Variants in FAP observed in about 807,000 individuals in gnomAD.
FAP encodes prolyl endopeptidase FAP.
A neutral mutation model predicts 126.5 loss-of-function variants in FAP; 110 were observed. The observed-to-expected ratio is 0.87, with a 90% CI of 0.74 to 1.02. The LOEUF is 1.02. FAP is among the 50% of genes least tolerant of loss of function. The pLI is 0.00. For missense variants in FAP, 919 were observed against 909.2 expected (o/e 1.01, Z -0.14); for synonymous variants, 334 against 297.3 (o/e 1.12, Z -1.27).
intron 21 of FAP, chr2:162,175,221 C>T (rs752092126): frequency 5.9e-5 from 14 of 237,108 alleles, no homozygotes; most frequent in Non-Finnish European, 4.1e-5. Flanking sequence ...ATGGTAGGAG[C>T]AGTTTAAGAG....
chr2:162,177,804 A>G (rs1687535128), intron 21 of FAP, among the ~76,000 whole-genome samples: 1 of 152,144 alleles, frequency 6.6e-6, no homozygotes, highest in African/African-American at 2.4e-5. Context: ...CCAGCACTGA[A>G]AATATGGCCT....
At chr2:162,210,773 G>C (rs955851213) in intron 11 of FAP, among the ~76,000 whole-genome samples, 6 of 152,228 alleles carry the variant, frequency 3.9e-5, no homozygotes, top group Non-Finnish European at 7.4e-5. Flanking sequence ...AGGAGGCAGA[G>C]AGACCAACTG....
chr2:162,195,266 G>A (rs1047088336), intron 16 of FAP, among the ~76,000 whole-genome samples: 1 of 152,048 alleles, frequency 6.6e-6, no homozygotes, highest in Non-Finnish European at 1.5e-5. Flanking sequence ...TGCTGTGGCA[G>A]GTCCCTGGGA....
chr2:162,182,834 C>T (rs1264774836), intron 21 of FAP, among the ~76,000 whole-genome samples: 3 of 152,162 alleles, frequency 2.0e-5, no homozygotes, highest in Admixed American at 6.5e-5. Flanking sequence ...TGTGTATTTT[C>T]AAAATAGCTC....
intron 2 of FAP, among the ~76,000 whole-genome samples, chr2:162,234,065 T>C (rs1259354584): frequency 6.6e-6 from 1 of 152,226 alleles, no homozygotes; most frequent in East Asian, 1.9e-4. Flanking sequence ...TTGATCTATA[T>C]ATCTATCCTT....
intron 12 of FAP, among the ~76,000 whole-genome samples, chr2:162,204,457 G>T (rs561688978): frequency 1.3e-5 from 2 of 152,338 alleles, no homozygotes; most frequent in African/African-American, 4.8e-5. Flanking sequence ...GTGTATTAAA[G>T]AGGGCCCTAA....
chr2:162,234,290 A>G (rs1027891235), intron 2 of FAP, among the ~76,000 whole-genome samples: 8 of 152,212 alleles, frequency 5.3e-5, no homozygotes, highest in African/African-American at 1.9e-4. Context: ...ATCTGTTGAT[A>G]AATTTAGGCA....
At chr2:162,185,610 T>TC (rs1419158190) in intron 20 of FAP, among the ~76,000 whole-genome samples, 1 of 152,168 alleles carries the variant, frequency 6.6e-6, no homozygotes, top group African/African-American at 2.4e-5. Context: ...CTTCTTTTTT[T>TC]CCCCTACTTT....
intron 2 of FAP, among the ~76,000 whole-genome samples, chr2:162,240,992 G>A (rs1690324880): frequency 6.6e-6 from 1 of 152,188 alleles, no homozygotes; most frequent in South Asian, 2.1e-4. Flanking sequence ...CTGTGGCACT[G>A]ACTTCCCCGG....
intron 11 of FAP, 120 bp from the exon 12 acceptor site, chr2:162,210,116 A>G: frequency 1.3e-6 from 1 of 768,878 alleles, no homozygotes; most frequent in Non-Finnish European, 2.1e-6. Flanking sequence ...CTAGTCAACT[A>G]ACTTCAAATT....
At chr2:162,196,737 T>C (rs1182392492) in intron 16 of FAP, among the ~76,000 whole-genome samples, 2 of 152,186 alleles carry the variant, frequency 1.3e-5, no homozygotes, top group Admixed American at 1.3e-4. Context: ...AGTTACATAA[T>C]GAGGCTTTAC....
At chr2:162,214,446 T>TGA (rs1467651169) in intron 10 of FAP, among the ~76,000 whole-genome samples, 2 of 151,930 alleles carry the variant, frequency 1.3e-5, no homozygotes, top group Admixed American at 1.3e-4. Context: ...TATAATTAGT[T>TGA]GAGAGAGAGA....
intron 20 of FAP, among the ~76,000 whole-genome samples, chr2:162,184,648 T>C (rs1296613083): frequency 1.3e-5 from 2 of 152,150 alleles, no homozygotes; most frequent in African/African-American, 4.8e-5. Flanking sequence ...AAATGGAAAG[T>C]TGCTACCTGT....
chr2:162,199,196 A>G (rs1275850790), intron 15 of FAP, among the ~76,000 whole-genome samples: 1 of 152,112 alleles, frequency 6.6e-6, no homozygotes, highest in African/African-American at 2.4e-5. Flanking sequence ...ACACTTCACA[A>G]AGTGCTTGGG....
chr2:162,226,327 T>C (rs1163645421), intron 3 of FAP, among the ~76,000 whole-genome samples, 196 bp downstream of exon 3: 1 of 152,160 alleles, frequency 6.6e-6, no homozygotes, highest in African/African-American at 2.4e-5. Flanking sequence ...TCTATTGGCC[T>C]CATTACTATG....
chr2:162,171,463 T>C (rs1415617938), intron 25 of FAP: 1 of 169,826 alleles, frequency 5.9e-6, no homozygotes, highest in Non-Finnish European at 1.3e-5. Flanking sequence ...CTAAGATTCC[T>C]TGTAGCTCAA....
chr2:162,199,887 T>C (rs933854658), intron 15 of FAP, among the ~76,000 whole-genome samples: 1 of 152,220 alleles, frequency 6.6e-6, no homozygotes, highest in Non-Finnish European at 1.5e-5. Context: ...GGTGGAACTT[T>C]GGAAACATTA....
chr2:162,184,713 A>G (rs748423989), intron 20 of FAP, among the ~76,000 whole-genome samples: 1 of 152,152 alleles, frequency 6.6e-6, no homozygotes, highest in Non-Finnish European at 1.5e-5. Context: ...GTGACACTTG[A>G]GCAATTCTTG....
intron 12 of FAP, among the ~76,000 whole-genome samples, chr2:162,208,766 C>T (rs1348755934): frequency 6.6e-6 from 1 of 150,780 alleles, no homozygotes; most frequent in Non-Finnish European, 1.5e-5. Flanking sequence ...CTGAATACTA[C>T]TACTCTTTTT....
Sources: allele counts gnomAD v4.1 joint callset (sites outside exome capture counted in the v4.1 genomes callset), GRCh38; gene constraint gnomAD v4.1.1; transcripts MANE v1.5; gene names NCBI Gene and HGNC (gene_info 2026-07-23, HGNC 2026-07-21).